Variants in FHAD1 observed in about 807,000 individuals in gnomAD.
FHAD1 encodes the protein forkhead associated phosphopeptide binding domain 1.
A neutral mutation model predicts 191.3 loss-of-function variants in FHAD1; 146 were observed. The ratio of observed to expected loss-of-function variants is 0.76; its 90% CI spans 0.67 to 0.88. The LOEUF is 0.88. FHAD1 is among the 40% of genes least tolerant of loss of function. FHAD1 has a pLI of 0.00. For missense variants in FHAD1, 1,635 were observed against 1,785.8 expected, an observed-to-expected ratio of 0.92 and a Z score of 1.52; for synonymous variants, 616 against 672.3, an observed-to-expected ratio of 0.92 and a Z score of 1.29.
chr1:15,352,164 T>TA (rs1359714334), intron 19 of FHAD1, among the ~76,000 whole-genome samples: 1 of 152,224 alleles, frequency 6.6e-6, no homozygotes, highest in Non-Finnish European at 1.5e-5. Context: ...CTCTGGTCTT[T>TA]TGTTGTACAT....
chr1:15,285,348 A>G (rs181374653), intron 3 of FHAD1, among the ~76,000 whole-genome samples: 2 of 152,318 alleles, frequency 1.3e-5, no homozygotes, highest in Non-Finnish European at 2.9e-5. Context: ...CCTGGCCAAC[A>G]TGGTGAAACT....
In FHAD1 at chr1:15,329,235, G is replaced by A. The variant is rs912195616; in HGVS notation, c.1711-111G>A. The A allele has an allele frequency of 3.5e-5, 30 of 869,044 alleles. No individual in the cohort carries two copies. The highest frequency in any genetic ancestry group is 6.2e-5 in the Admixed American group (2 of 32,326). 53.8% of individuals were successfully genotyped at this position (869,044 alleles called of 1,614,324 possible). On this transcript the variant is annotated intron_variant, in intron 13 of 33. Coordinates refer to ENST00000688493, the MANE Select transcript of FHAD1 (RefSeq NM_001391957.1). This position sits in a 1 kb window ranked among gnomAD's most constrained non-coding sequence, Gnocchi z 5.0. Reference sequence around the variant, plus strand: ...TGAGTCCTCCCAAGGCGGCCAATACGTGGCGCTGCCTGCTTCGTGGCAGAG... The same window carrying A: ...TGAGTCCTCCCAAGGCGGCCAATACATGGCGCTGCCTGCTTCGTGGCAGAG...
At chr1:15,255,964 G>A (rs917213454) in intron 2 of FHAD1, among the ~76,000 whole-genome samples, 3 of 136,790 alleles carry the variant, frequency 2.2e-5, no homozygotes, top group African/African-American at 7.4e-5. Flanking sequence ...GTTGAAATGG[G>A]CTCCCTGGCT....
intron 18 of FHAD1, among the ~76,000 whole-genome samples, chr1:15,347,798 T>G (rs1196624508): frequency 6.6e-6 from 1 of 152,214 alleles, no homozygotes; most frequent in East Asian, 1.9e-4. Flanking sequence ...GTTTTTAAGG[T>G]CAACAGAATC....
rs1271555166 is a variant in FHAD1 at position 15,272,427 on chromosome 1, G to C, written c.198G>C (p.Glu66Asp). Residue 66 changes from glutamate to aspartate, a missense_variant, in exon 3 of 34, where the codon GAG becomes GAC. Transcript: ENST00000688493. ...CCCGCAACGGCACGTTTGTCAACGA[G>C]TGCCACATTCAAAACGTGGCTGTGA... The part of the protein sequence containing the change: ...FNSRNGTFVN[E>D]CHIQNVAVKL... The C allele has an allele frequency of 6.4e-7, 1 of 1,551,694 alleles. No homozygotes were observed. Among genetic ancestry groups the C allele is most frequent in the Admixed American group, 2.0e-5 (1 of 50,996 alleles).
At chr1:15,272,554 G>T (rs1447822402) in intron 3 of FHAD1, 25 bp downstream of exon 3, 2 of 1,530,366 alleles carry the variant, frequency 1.3e-6, no homozygotes, top group Admixed American at 4.0e-5. Flanking sequence ...CTGGGGGATA[G>T]AGGGGCCATG....
chr1:15,355,311 A>T (rs540165551), intron 20 of FHAD1, among the ~76,000 whole-genome samples: 1 of 152,264 alleles, frequency 6.6e-6, no homozygotes, highest in South Asian at 2.1e-4. Flanking sequence ...GGAATTCACC[A>T]TTTACCAGGA....
At chr1:15,296,251 A>ATTT (rs779409884) in intron 4 of FHAD1, among the ~76,000 whole-genome samples, 14 of 134,594 alleles carry the variant, frequency 1.0e-4, no homozygotes, top group Non-Finnish European at 1.3e-4. Flanking sequence ...CCACTTTGTA[A>ATTT]TTTTTTTTTT....
intron 3 of FHAD1, among the ~76,000 whole-genome samples, chr1:15,286,651 C>T (rs1302352135): frequency 6.6e-6 from 1 of 152,182 alleles, no homozygotes; most frequent in Admixed American, 6.5e-5. Context: ...GGATCACATG[C>T]CCCACCCCTG....
chr1:15,390,237 C>T lies in FHAD1; in HGVS notation c.4270-973C>T, dbSNP rs2496332. On this transcript the variant is annotated intron_variant, in intron 32 of 33. Transcript: ENST00000688493. ...GGCAGGCGCCTGTAATCCAAGCTAT[C>T]GGGAGGCTGAGGCAGGAGAATTGCT... 2.2e-3 allele frequency among the ~76,000 whole-genome samples: 324 copies of T among 147,854 alleles called. 1 individual carries two copies. Among genetic ancestry groups the T allele is most frequent in the African/African-American group, 7.5e-3 (298 of 39,958 alleles).
intron 32 of FHAD1, among the ~76,000 whole-genome samples, chr1:15,390,281 G>C (rs1030982631): frequency 1.4e-5 from 2 of 146,280 alleles, no homozygotes; most frequent in African/African-American, 2.5e-5. Context: ...GGAGGCAAAG[G>C]TTGCAGTGAG....
chr1:15,369,526 A>G (rs1039272091), intron 26 of FHAD1, 24 bp downstream of exon 26: 15 of 1,550,628 alleles, frequency 9.7e-6, no homozygotes, highest in Non-Finnish European at 1.2e-5. Flanking sequence ...ACTCCTGGGT[A>G]CTGGAAGGAT....
chr1:15,283,052 A>C (rs567745566), intron 3 of FHAD1, among the ~76,000 whole-genome samples: 1 of 152,380 alleles, frequency 6.6e-6, no homozygotes, highest in African/African-American at 2.4e-5. Flanking sequence ...GTAGCAGCTC[A>C]AAGACAATTC....
chr1:15,285,985 G>T (rs1219393864), intron 3 of FHAD1, among the ~76,000 whole-genome samples: 1 of 152,164 alleles, frequency 6.6e-6, no homozygotes, highest in East Asian at 1.9e-4. Flanking sequence ...CTTATATGAG[G>T]GACAGAGTAT....
Position 15,261,049 on chromosome 1 carries a change from A to G in FHAD1, c.93+9172A>G, listed in dbSNP as rs145426827. 6.9e-3 allele frequency among the ~76,000 whole-genome samples: 1,054 copies of G among 152,322 alleles called. 6 individuals are homozygous for G. Among genetic ancestry groups the G allele is most frequent in the Non-Finnish European group, 9.8e-3 (665 of 68,026 alleles). Reference sequence around the variant, plus strand: ...TTGAGAGCTTTTCAGAGGAATCAGTAGGGTCACTGCCAGGGACAGTGGAGA... The same window carrying G: ...TTGAGAGCTTTTCAGAGGAATCAGTGGGGTCACTGCCAGGGACAGTGGAGA... On this transcript the variant is annotated intron_variant, in intron 2 of 33. Transcript: ENST00000688493.
At chr1:15,278,170 T>TTTGC (rs35891675) in intron 3 of FHAD1, among the ~76,000 whole-genome samples, 54,286 of 151,734 alleles carry the variant, frequency 0.36, 10,000 homozygotes, top group African/African-American at 0.46. Flanking sequence ...CCCACCAGTG[T>TTTGC]TTTTCTGCTC....
At chr1:15,369,253 T>C in intron 25 of FHAD1, 117 bp from the exon 26 acceptor site, 2 of 1,199,112 alleles carry the variant, frequency 1.7e-6, no homozygotes, top group Admixed American at 2.7e-5. Context: ...AGGAAACAAG[T>C]CTCAAAAGAA....
intron 3 of FHAD1, chr1:15,287,002 C>G (rs1319627601): frequency 6.6e-6 from 1 of 152,288 alleles, no homozygotes; most frequent in Non-Finnish European, 1.5e-5. Context: ...TCAGCCCATT[C>G]ATTCAATGAG....
intron 6 of FHAD1, 115 bp from the exon 7 acceptor site, chr1:15,308,498 C>T (rs564498626): frequency 7.0e-7 from 1 of 1,432,906 alleles, no homozygotes; most frequent in South Asian, 1.4e-5. Flanking sequence ...GCTTGGTTTC[C>T]CCAACACCCC....
Sources: allele counts gnomAD v4.1 joint callset (sites outside exome capture counted in the v4.1 genomes callset), GRCh38; gene constraint gnomAD v4.1.1; non-coding constraint Gnocchi (gnomAD v3.1); transcripts MANE v1.5; gene names NCBI Gene and HGNC (gene_info 2026-07-23, HGNC 2026-07-21).